The following WT1 variants were observed in gnomAD, a reference collection of about 807,000 sequenced individuals.
WT1 encodes Wilms tumor protein.
Under a neutral mutation model 60.8 loss-of-function variants are expected in WT1, and 8 were observed. The observed-to-expected ratio is 0.13, with a 90% CI of 0.08 to 0.24. WT1 has a LOEUF of 0.24. Among genes scored for constraint, WT1 ranks in the 10% least tolerant of loss-of-function variants. WT1 has a pLI of 1.00. For missense variants in WT1, 568 were observed against 711.8 expected (o/e 0.80, Z 2.30); for synonymous variants, 312 against 297.1 (o/e 1.05, Z -0.52).
At chr11:32,417,978 C>A (rs1852732321) in intron 3 of WT1, among the ~76,000 whole-genome samples, 1 of 152,010 alleles carries the variant, frequency 6.6e-6, no homozygotes, top group Non-Finnish European at 1.5e-5. Context: ...AAAGGCAACA[C>A]AGGCTGGATA....
chr11:32,431,850 G>A (rs1853323868), intron 1 of WT1, among the ~76,000 whole-genome samples: 1 of 152,100 alleles, frequency 6.6e-6, no homozygotes, highest in Non-Finnish European at 1.5e-5. Flanking sequence ...CCGCAGGCCA[G>A]AAGAAATCCA....
chr11:32,401,407 A>G (rs1162005751), intron 5 of WT1, among the ~76,000 whole-genome samples: 2 of 152,184 alleles, frequency 1.3e-5, no homozygotes, highest in Non-Finnish European at 1.5e-5. Context: ...GGTAATGGTC[A>G]TACAACTGTG....
chr11:32,427,099 A>G (rs1025620279), intron 3 of WT1, among the ~76,000 whole-genome samples: 1 of 152,162 alleles, frequency 6.6e-6, no homozygotes, highest in Admixed American at 6.5e-5. Flanking sequence ...CTATGAGGTC[A>G]TGCGCGCCCA....
intron 5 of WT1, among the ~76,000 whole-genome samples, chr11:32,407,221 A>G (rs1319096892): frequency 6.6e-6 from 1 of 152,194 alleles, no homozygotes; most frequent in African/African-American, 2.4e-5. Flanking sequence ...AAACACGTAC[A>G]TTGAGATTTG....
chr11:32,435,374 A>G lies in WT1; in HGVS notation c.-14T>C. ...GAGGAAGTCCAGGATCGCGGCGAGG[A>G]GACGGCGGGGCCCGGGCGCCTGGGC... On this transcript the variant is annotated 5_prime_UTR_variant, in exon 1 of 10. Transcript: ENST00000452863. The G allele has an allele frequency of 7.9e-7, 1 of 1,264,026 alleles. No homozygotes were observed. Among genetic ancestry groups the G allele is most frequent in the Non-Finnish European group, 1.0e-6 (1 of 979,970 alleles). The allele number at this position is 1,264,026 out of a possible 1,614,324, so 78.3% of individuals were successfully genotyped here. A position where few individuals can be genotyped will look rare whatever the true frequency, so the allele number is the denominator to read the frequency against.
At chr11:32,427,850 A>T in intron 3 of WT1, 106 bp downstream of exon 3, 1 of 1,036,618 alleles carries the variant, frequency 9.6e-7, no homozygotes, top group Non-Finnish European at 1.4e-6. Context: ...AAGACCCTGC[A>T]TGCCCGCAGT....
intron 3 of WT1, among the ~76,000 whole-genome samples, chr11:32,420,121 G>A (rs960684017): frequency 6.6e-6 from 1 of 152,178 alleles, no homozygotes; most frequent in African/African-American, 2.4e-5. Context: ...CTGGCCACAT[G>A]TGACTCATGC....
chr11:32,390,210 G>A (rs1215657233), intron 9 of WT1, among the ~76,000 whole-genome samples: 1 of 152,196 alleles, frequency 6.6e-6, no homozygotes, highest in Non-Finnish European at 1.5e-5. Flanking sequence ...CCACCTGACG[G>A]ATCTTCTCAG....
chr11:32,391,460 C>T (rs1489053161), intron 9 of WT1, among the ~76,000 whole-genome samples: 3 of 152,224 alleles, frequency 2.0e-5, no homozygotes, highest in African/African-American at 7.2e-5. Flanking sequence ...CTATTCTCCT[C>T]TCTGTACTAG....
chr11:32,400,131 G>A, intron 5 of WT1, 87 bp from the exon 6 acceptor site: 1 of 1,494,186 alleles, frequency 6.7e-7, no homozygotes, highest in Middle Eastern at 1.7e-4. Flanking sequence ...GGGAATGATG[G>A]TTTTTAAAGC....
At chr11:32,394,314 C>A (rs140563868) in intron 7 of WT1, among the ~76,000 whole-genome samples, 1 of 152,312 alleles carries the variant, frequency 6.6e-6, no homozygotes, top group Non-Finnish European at 1.5e-5. Context: ...TCATCTATCA[C>A]TTTCTCTGCC....
chr11:32,388,919 C>T lies in WT1; in HGVS notation c.*139G>A, dbSNP rs1279158437. 2.7e-6 allele frequency: 4 copies of T among 1,485,136 alleles called. No homozygotes were observed. Among genetic ancestry groups the T allele is most frequent in the Non-Finnish European group, 3.7e-6 (4 of 1,093,224 alleles). 92.0% of individuals were successfully genotyped at this position (1,485,136 alleles called of 1,614,324 possible). A position where few individuals can be genotyped will look rare whatever the true frequency, so the allele number is the denominator to read the frequency against. ...GCACACCTGGTAGTTTCCAGAAGCA[C>T]CGGTATCTTGTCTTGGAAGTTGGAT... On this transcript the variant is annotated 3_prime_UTR_variant, in exon 10 of 10. Coordinates refer to ENST00000452863, the MANE Select transcript of WT1 (RefSeq NM_024426.6).
At chr11:32,431,164 G>A (rs1386673933) in intron 1 of WT1, among the ~76,000 whole-genome samples, 1 of 152,218 alleles carries the variant, frequency 6.6e-6, no homozygotes, top group African/African-American at 2.4e-5. Flanking sequence ...GCCGGGCCGT[G>A]AGAGCTGAGG....
intron 9 of WT1, among the ~76,000 whole-genome samples, chr11:32,391,196 G>A (rs947653326): frequency 6.6e-6 from 1 of 151,818 alleles, no homozygotes; most frequent in Non-Finnish European, 1.5e-5. Context: ...TGTTGCCCAG[G>A]CTAGTCTTGA....
chr11:32,434,846 T>TCC lies in WT1; in HGVS notation c.514_515insGG (p.Gln172ArgfsTer120). The stretch of plus-strand genomic sequence containing the variant: ...ACAGGCTCCGGCTGTGCCAGTGAAC[T>TCC]GGCCGGAAAAGTGGACAGTGAAGGC... On this transcript the variant is annotated frameshift_variant, in exon 1 of 10. Coordinates refer to ENST00000452863, the MANE Select transcript of WT1 (RefSeq NM_024426.6). LOFTEE classifies it high-confidence loss of function. 6.2e-7 allele frequency: 1 copy of TCC among 1,612,610 alleles called. No homozygotes were observed. The highest frequency in any genetic ancestry group is 8.5e-7 in the Non-Finnish European group (1 of 1,179,836).
chr11:32,397,856 G>A (rs141408735), intron 6 of WT1, among the ~76,000 whole-genome samples: 39 of 152,318 alleles, frequency 2.6e-4, no homozygotes, highest in African/African-American at 7.7e-4. Context: ...AAAATTAAAT[G>A]GTGAGCCAGC....
rs1484880178 is a variant in WT1 at position 32,434,732 on chromosome 11, C to A, written c.629G>T (p.Cys210Phe). 1 of 1,613,014 alleles carries A rather than the reference C, an allele frequency of 6.2e-7. No individual in the cohort carries two copies. Among genetic ancestry groups the A allele is most frequent in the Non-Finnish European group, 8.5e-7 (1 of 1,179,962 alleles). ...GCGAATAGCGGGCTGGCTCTCGAGG[C>A]AGCTGGGCAGGTAGGGCGCGTTAGG... Residue 210 changes from cysteine to phenylalanine, a missense_variant, in exon 1 of 10, where the codon TGC (cysteine) becomes TTC (phenylalanine). Coordinates refer to ENST00000452863, the MANE Select transcript of WT1 (RefSeq NM_024426.6).
chr11:32,391,221 G>A (rs187405372), intron 9 of WT1, among the ~76,000 whole-genome samples: 15 of 148,330 alleles, frequency 1.0e-4, no homozygotes, highest in African/African-American at 3.9e-4. Flanking sequence ...CTGGGCTCAA[G>A]TGATCCACCC....
In WT1 at chr11:32,435,145, C is replaced by G. The variant is rs5030135; in HGVS notation, c.216G>C (p.Gln72His). Residue 72 changes from glutamine to histidine, a missense_variant, in exon 1 of 10, where the codon CAG becomes CAC. Gln to His is a conservative substitution (Grantham distance 24, BLOSUM62 0). This residue lies in a region of WT1 where 523 missense variants were observed against 565.1 expected (regional missense o/e 0.93). Coordinates refer to ENST00000452863, the MANE Select transcript of WT1 (RefSeq NM_024426.6). Reference sequence around the variant, plus strand: ...GGTCCCGCACGTCGGAGCCCATTTGCTGCGGCTCAGACCCGGACGCCCCGC... The same window carrying G: ...GGTCCCGCACGTCGGAGCCCATTTGGTGCGGCTCAGACCCGGACGCCCCGC... 1.3e-6 allele frequency: 2 copies of G among 1,521,028 alleles called. No homozygotes were observed. Among genetic ancestry groups the G allele is most frequent in the Non-Finnish European group, 1.8e-6 (2 of 1,141,460 alleles). 94.2% of individuals were successfully genotyped at this position (1,521,028 alleles called of 1,614,324 possible). A position where few individuals can be genotyped will look rare whatever the true frequency, so the allele number is the denominator to read the frequency against.
Sources: gnomAD v4.1 joint callset for allele counts (sites outside exome capture counted in the v4.1 genomes callset) on GRCh38, gnomAD v4.1.1 for gene constraint, gnomAD v4.1.1 regional missense constraint, MANE v1.5 for transcripts, NCBI Gene and HGNC (gene_info 2026-07-23, HGNC 2026-07-21) for gene names.